FER: variants seen among roughly 807,000 people sequenced by gnomAD.
FER encodes the protein tyrosine-protein kinase Fer.
In FER, 63 loss-of-function variants were observed where a neutral mutation model predicts 111.0. That is an observed-to-expected ratio of 0.57 (90% CI 0.46 to 0.70). The LOEUF (loss-of-function observed/expected upper bound fraction) is 0.70, where lower values mean the gene tolerates loss of function less well. Ranked by LOEUF, FER falls within the 30% of genes least tolerant of loss-of-function variation. The pLI is 0.00. For missense variants in FER, 914 were observed against 954.0 expected (o/e 0.96, Z 0.55); for synonymous variants, 327 against 313.9 (o/e 1.04, Z -0.44).
intron 1 of FER, among the ~76,000 whole-genome samples, chr5:108,757,156 T>G (rs1751209016): frequency 6.6e-6 from 1 of 152,170 alleles, no homozygotes; most frequent in Non-Finnish European, 1.5e-5. Context: ...CTATTAATGG[T>G]CCTGGATTTA....
At chr5:109,106,432 G>C (rs1023586920) in intron 17 of FER, among the ~76,000 whole-genome samples, 1 of 152,072 alleles carries the variant, frequency 6.6e-6, no homozygotes, top group Non-Finnish European at 1.5e-5. Context: ...GATTAACATA[G>C]AGATGTGATA....
At chr5:109,146,781 T>C (rs1258372943) in intron 17 of FER, among the ~76,000 whole-genome samples, 1 of 152,088 alleles carries the variant, frequency 6.6e-6, no homozygotes, top group Non-Finnish European at 1.5e-5. Context: ...AATATGTTGC[T>C]CCATATGGTA....
rs1581317000 is a variant in FER, at chr5:108,942,778, A to G, written c.1237-3352A>G. 2.6e-5 allele frequency among the ~76,000 whole-genome samples: 4 copies of G among 152,264 alleles called. No individual in the cohort carries two copies. In the South Asian group the frequency reaches 8.3e-4, roughly 32 times the overall value. ...GTAATGTAGAATTTTTTCAGAAGGTAGTCTTCTCTGGGGTTATAATTTCCC... is the reference window on the plus strand; with the variant it reads ...GTAATGTAGAATTTTTTCAGAAGGTGGTCTTCTCTGGGGTTATAATTTCCC... On this transcript the variant is annotated intron_variant, in intron 10 of 19. Coordinates refer to ENST00000281092, the MANE Select transcript of FER (RefSeq NM_005246.4).
At chr5:109,163,601 C>G (rs182733136) in intron 17 of FER, among the ~76,000 whole-genome samples, 8 of 152,144 alleles carry the variant, frequency 5.3e-5, no homozygotes, top group Admixed American at 2.0e-4. Flanking sequence ...GCAGTGATAT[C>G]TCATTGTGGT....
chr5:109,118,318 T>G (rs1223009023), intron 17 of FER, among the ~76,000 whole-genome samples: 1 of 152,110 alleles, frequency 6.6e-6, no homozygotes, highest in African/African-American at 2.4e-5. Flanking sequence ...TTATTGATTT[T>G]CGTATGTTGA....
Position 108,771,701 on chromosome 5 carries a change from T to C in FER, c.-60+3463T>C, listed in dbSNP as rs139051377. On this transcript the variant is annotated intron_variant, in intron 2 of 19. Coordinates refer to ENST00000281092, the MANE Select transcript of FER (RefSeq NM_005246.4). ...CTTTTACCTGGACTCACTGTTAACA[T>C]TTTGCCACATTTTCTTTGTTCACAT... Among the ~76,000 whole-genome samples the C allele has an allele frequency of 6.4e-3, 973 of 152,322 alleles. 9 individuals are homozygous for C. Among genetic ancestry groups the C allele is most frequent in the Non-Finnish European group, 0.01 (683 of 68,028 alleles).
rs552481876 is a variant in FER at position 109,134,191 on chromosome 5, T to C, written c.2048+33672T>C. ...TTAAAAATATTCCATTGTGTTGGTA[T>C]AATAAAAGCTCGAATACCCAAAGAA... is the stretch of plus-strand genomic sequence containing the variant. On this transcript the variant is annotated intron_variant, in intron 17 of 19. Coordinates refer to ENST00000281092, the MANE Select transcript of FER (RefSeq NM_005246.4). Among the ~76,000 whole-genome samples the C allele has an allele frequency of 2.0e-4, 30 of 152,098 alleles. No homozygotes were observed. The South Asian group carries it at 6.0e-3, about 30-fold the overall frequency.
chr5:108,883,387 T>C lies in FER; in HGVS notation c.924-9T>C. 1 of 1,594,878 alleles carries C rather than the reference T, an allele frequency of 6.3e-7. No homozygotes were observed. Among genetic ancestry groups the C allele is most frequent in the Admixed American group, 1.8e-5 (1 of 56,822 alleles). On this transcript the variant is annotated splice_polypyrimidine_tract_variant and intron_variant, in intron 8 of 19. Coordinates refer to ENST00000281092, the MANE Select transcript of FER (RefSeq NM_005246.4). The stretch of plus-strand genomic sequence containing the variant: ...TGTTGGTTGTTATTGAGGATACTGT[T>C]TATTCTAGGTTGAAAACGTTAGCGG...
At chr5:109,147,127 CA>C (rs951665139) in intron 17 of FER, among the ~76,000 whole-genome samples, 5 of 147,940 alleles carry the variant, frequency 3.4e-5, no homozygotes, top group Admixed American at 2.0e-4. Flanking sequence ...TCAGACTTCT[CA>C]AAAAAAAATT....
chr5:108,795,979 T>C (rs1025069174), intron 2 of FER, among the ~76,000 whole-genome samples: 1 of 152,216 alleles, frequency 6.6e-6, no homozygotes, highest in African/African-American at 2.4e-5. Context: ...TAGATATTTA[T>C]TGTAGTCTTC....
intron 3 of FER, among the ~76,000 whole-genome samples, chr5:108,822,857 T>G (rs1018909304): frequency 2.0e-5 from 3 of 151,738 alleles, no homozygotes; most frequent in Non-Finnish European, 4.4e-5. Context: ...TGGCGCCATC[T>G]CGGCTCACTG....
At chr5:109,073,399 T>C (rs1315880519) in intron 16 of FER, among the ~76,000 whole-genome samples, 2 of 152,130 alleles carry the variant, frequency 1.3e-5, no homozygotes, top group African/African-American at 4.8e-5. Flanking sequence ...GCTCGTGCCA[T>C]ATAGTCCGTC....
chr5:109,144,366 G>A (rs1006845402), intron 17 of FER, among the ~76,000 whole-genome samples: 1 of 152,004 alleles, frequency 6.6e-6, no homozygotes, highest in African/African-American at 2.4e-5. Flanking sequence ...TGATGTCCTT[G>A]GCCAGCCTTG....
At chr5:109,135,082 A>G (rs185303575) in intron 17 of FER, among the ~76,000 whole-genome samples, 1 of 152,356 alleles carries the variant, frequency 6.6e-6, no homozygotes, top group Admixed American at 6.5e-5. Flanking sequence ...CTAAGCAGAA[A>G]TGGAATTATC....
In FER at chr5:109,193,850, C is replaced by T. The variant is rs1759547628; in HGVS notation, c.*6275C>T. The T allele has an allele frequency of 2.0e-5, 3 of 152,176 alleles. No individual in the cohort carries two copies. Among genetic ancestry groups the T allele is most frequent in the Admixed American group, 1.3e-4 (2 of 15,264 alleles). The allele number at this position is 152,176 out of a possible 1,614,324, so 9.4% of individuals were successfully genotyped here. A position where few individuals can be genotyped will look rare whatever the true frequency, so the allele number is the denominator to read the frequency against. On this transcript the variant is annotated 3_prime_UTR_variant, in exon 20 of 20. Transcript: ENST00000281092. The stretch of plus-strand genomic sequence containing the variant: ...GGCCCCTAGCCTTCTAAGGAACTCC[C>T]AGGCACCTACTTAACAAGGCCAGCT...
intron 9 of FER, among the ~76,000 whole-genome samples, chr5:108,884,060 A>G (rs1166363837): frequency 6.6e-6 from 1 of 151,984 alleles, no homozygotes; most frequent in East Asian, 1.9e-4. Flanking sequence ...TGACTTCATT[A>G]TGCTTTCTAC....
chr5:109,190,599 G>A lies in FER; in HGVS notation c.*3024G>A, dbSNP rs1759311465. The A allele has an allele frequency of 6.6e-6, 1 of 152,054 alleles. No individual in the cohort carries two copies. The highest frequency in any genetic ancestry group is 2.1e-4 in the South Asian group (1 of 4,830). The allele number at this position is 152,054 out of a possible 1,614,324, so 9.4% of individuals were successfully genotyped here. On this transcript the variant is annotated 3_prime_UTR_variant, in exon 20 of 20. Coordinates refer to ENST00000281092, the MANE Select transcript of FER (RefSeq NM_005246.4). ...GCATTCCATGTAATCTAAGGCCAAA[G>A]CCAACATATTCTTTCTCTTCTGGGA...
intron 17 of FER, among the ~76,000 whole-genome samples, chr5:109,106,538 C>A (rs1433358594): frequency 3.3e-5 from 5 of 151,844 alleles, no homozygotes; most frequent in Admixed American, 3.3e-4. Context: ...TTATTTTTAG[C>A]TTTGAAACCA....
At chr5:108,962,384 G>C (rs979887718) in intron 13 of FER, among the ~76,000 whole-genome samples, 3 of 152,094 alleles carry the variant, frequency 2.0e-5, no homozygotes, top group African/African-American at 7.2e-5. Flanking sequence ...CATCAGGGAG[G>C]CCTTGTCTGA....
Sources: gnomAD v4.1 joint callset for allele counts (sites outside exome capture counted in the v4.1 genomes callset) on GRCh38, gnomAD v4.1.1 for gene constraint, MANE v1.5 for transcripts, NCBI Gene and HGNC (gene_info 2026-07-23, HGNC 2026-07-21) for gene names.